The following ACSL1 variants were observed in gnomAD, a reference collection of about 807,000 sequenced individuals.
ACSL1 encodes the protein long-chain-fatty-acid--CoA ligase 1.
Under a neutral mutation model 98.4 loss-of-function variants are expected in ACSL1, and 41 were observed. That is an observed-to-expected ratio of 0.42 (90% CI 0.32 to 0.54). ACSL1 has a LOEUF of 0.54. ACSL1 is among the 20% of genes least tolerant of loss of function. ACSL1 has a pLI of 0.13. For missense variants in ACSL1, 734 were observed against 883.1 expected (o/e 0.83, Z 2.14); for synonymous variants, 316 against 322.7 (o/e 0.98, Z 0.22).
Position 184,757,098 on chromosome 4 carries a change from C to T in ACSL1, c.*27G>A. 2 of 1,545,584 alleles carry T rather than the reference C, an allele frequency of 1.3e-6. No individual in the cohort carries two copies. The highest frequency in any genetic ancestry group is 1.8e-6 in the Non-Finnish European group (2 of 1,133,380). On this transcript the variant is annotated 3_prime_UTR_variant, in exon 21 of 21. Coordinates refer to ENST00000281455, the MANE Select transcript of ACSL1 (RefSeq NM_001995.5). This position sits in a 1 kb window ranked among gnomAD's most constrained non-coding sequence, Gnocchi z 4.5. The stretch of plus-strand genomic sequence containing the variant: ...AGGAGAAGAGATTGTGGAACTGTGC[C>T]ATTTCCTCTGAGCTTTCTTCTTCAC...
At chr4:184,758,752 C>T in intron 18 of ACSL1, 1 of 151,994 alleles carries the variant, frequency 6.6e-6, no homozygotes, top group East Asian at 1.9e-4. Context: ...ATTTTAAAAT[C>T]TAACAACTTT....
chr4:184,819,612 C>G (rs1772903914), intron 1 of ACSL1, among the ~76,000 whole-genome samples: 1 of 152,058 alleles, frequency 6.6e-6, no homozygotes, highest in African/African-American at 2.4e-5. Flanking sequence ...TACACAGACC[C>G]ATTAACCCCA....
At chr4:184,764,770 G>T in intron 15 of ACSL1, 83 bp downstream of exon 15, 2 of 1,232,648 alleles carry the variant, frequency 1.6e-6, no homozygotes, top group Non-Finnish European at 2.3e-6. Flanking sequence ...TAATGAACCA[G>T]TCAGTGATTA....
intron 1 of ACSL1, among the ~76,000 whole-genome samples, chr4:184,816,177 T>A (rs970936566): frequency 4.0e-5 from 6 of 151,338 alleles, no homozygotes; most frequent in Admixed American, 6.6e-5. Context: ...GCTATGAGGT[T>A]CCCCAGGACT....
chr4:184,793,317 T>C (rs1324794096), intron 2 of ACSL1, among the ~76,000 whole-genome samples: 1 of 152,038 alleles, frequency 6.6e-6, no homozygotes, highest in Non-Finnish European at 1.5e-5. Flanking sequence ...CCACAAGGGC[T>C]GAATTAGGAA....
intron 1 of ACSL1, among the ~76,000 whole-genome samples, chr4:184,822,585 A>G (rs1415172835): frequency 6.6e-6 from 1 of 152,050 alleles, no homozygotes; most frequent in Non-Finnish European, 1.5e-5. Context: ...AAAAAAATAC[A>G]AAAATTAGCT....
chr4:184,771,538 G>T (rs973387205), intron 10 of ACSL1, among the ~76,000 whole-genome samples: 7 of 152,192 alleles, frequency 4.6e-5, no homozygotes, highest in African/African-American at 1.4e-4. Context: ...TGCTGATCAT[G>T]ATGGGTCCAC....
At chr4:184,813,633 G>A (rs1011051509) in intron 1 of ACSL1, 1 of 309,934 alleles carries the variant, frequency 3.2e-6, no homozygotes, top group Non-Finnish European at 6.7e-6. Context: ...GACAAGCACG[G>A]CCTGTTATTA....
intron 2 of ACSL1, among the ~76,000 whole-genome samples, chr4:184,793,873 G>C (rs767727733): frequency 2.0e-5 from 3 of 152,116 alleles, no homozygotes; most frequent in Non-Finnish European, 4.4e-5. Flanking sequence ...TTCCCCTTCA[G>C]GATACCCAAA....
In ACSL1 at chr4:184,773,430, C is replaced by T. The variant is rs1764802409; in HGVS notation, c.841+233G>A. ...CCTGGGAGCCACCGATATAGTCTGTCCTAGGAAGACAGGTGAATCTAATAT... is the reference window on the plus strand; with the variant it reads ...CCTGGGAGCCACCGATATAGTCTGTTCTAGGAAGACAGGTGAATCTAATAT... On this transcript the variant is annotated intron_variant, in intron 9 of 20. Transcript: ENST00000281455. This position sits in a 1 kb window ranked among gnomAD's most constrained non-coding sequence, Gnocchi z 4.3. Among the ~76,000 whole-genome samples the T allele has an allele frequency of 6.6e-6, 1 of 152,128 alleles. No homozygotes were observed. Among genetic ancestry groups the T allele is most frequent in the Non-Finnish European group, 1.5e-5 (1 of 68,014 alleles).
At chr4:184,760,624 A>G (rs1323990200) in intron 17 of ACSL1, 124 bp from the exon 18 acceptor site, 2 of 1,362,662 alleles carry the variant, frequency 1.5e-6, no homozygotes, top group Admixed American at 4.1e-5. Context: ...AACATCCCAC[A>G]GAGGTCAGTT....
chr4:184,778,578 T>C (rs1206462897), intron 5 of ACSL1, among the ~76,000 whole-genome samples: 2 of 152,176 alleles, frequency 1.3e-5, no homozygotes, highest in Non-Finnish European at 2.9e-5. Flanking sequence ...ATAATCCTTC[T>C]GCCCTGCGCC....
intron 2 of ACSL1, among the ~76,000 whole-genome samples, chr4:184,791,858 T>C (rs989516623): frequency 3.9e-5 from 6 of 152,080 alleles, no homozygotes; most frequent in African/African-American, 1.2e-4. Flanking sequence ...CTGTCCCCTT[T>C]AATCAAATAG....
chr4:184,772,200 T>C (rs78290316), intron 10 of ACSL1, among the ~76,000 whole-genome samples: 1 of 152,334 alleles, frequency 6.6e-6, no homozygotes, highest in South Asian at 2.1e-4. Context: ...GTACTAAATG[T>C]TGAACTCTGT....
At chr4:184,810,735 T>TAGGAA (rs1771976181) in intron 1 of ACSL1, among the ~76,000 whole-genome samples, 1 of 151,956 alleles carries the variant, frequency 6.6e-6, no homozygotes, top group African/African-American at 2.4e-5. Flanking sequence ...TAGGATAGGA[T>TAGGAA]AGGATAGGAA....
intron 2 of ACSL1, among the ~76,000 whole-genome samples, chr4:184,797,323 C>A (rs1769593326): frequency 6.6e-6 from 1 of 152,330 alleles, no homozygotes; most frequent in East Asian, 1.9e-4. Flanking sequence ...TCTTCTCCTG[C>A]AAAAATTATT....
In ACSL1 at chr4:184,788,647, C is replaced by T. The variant is rs200100894; in HGVS notation, c.280G>A (p.Glu94Lys). 14 of 1,614,098 alleles carry T rather than the reference C, an allele frequency of 8.7e-6. No homozygotes were observed. The highest frequency in any genetic ancestry group is 1.3e-5 in the African/African-American group (1 of 75,020). Reference protein sequence around the residue: ...YFYDDVTTLYEGFQRGIQVSN... With the variant: ...YFYDDVTTLYKGFQRGIQVSN... ...ACCTGTATTCCCCTCTGGAAACCTT[C>T]GTATAATGTTGTGACATCATCATAG... is the stretch of plus-strand genomic sequence containing the variant. Residue 94 changes from glutamate to lysine, a missense_variant, in exon 3 of 21, where the codon GAA (glutamate) becomes AAA (lysine). Transcript: ENST00000281455.
At chr4:184,802,859 A>G (rs1204952244) in intron 2 of ACSL1, among the ~76,000 whole-genome samples, 1 of 152,082 alleles carries the variant, frequency 6.6e-6, no homozygotes, top group Non-Finnish European at 1.5e-5. Flanking sequence ...CTCCAGCCCT[A>G]TTCTATTTGA....
Position 184,776,474 on chromosome 4 carries a change from G to A in ACSL1, c.756+10C>T, listed in dbSNP as rs1311207405. 1.2e-6 allele frequency: 2 copies of A among 1,608,206 alleles called. No individual in the cohort carries two copies. The highest frequency in any genetic ancestry group is 2.7e-5 in the African/African-American group (2 of 74,694). ...AGCCTTCAGAGAAGGGAAGGAGGCA[G>A]GGCACTCACCTCCATCGCCTTCATG... On this transcript the variant is annotated intron_variant, in intron 7 of 20. Transcript: ENST00000281455.
Sources: gnomAD v4.1 joint callset for allele counts (sites outside exome capture counted in the v4.1 genomes callset) on GRCh38, gnomAD v4.1.1 for gene constraint, Gnocchi (gnomAD v3.1) non-coding constraint, MANE v1.5 for transcripts, NCBI Gene and HGNC (gene_info 2026-07-23, HGNC 2026-07-21) for gene names.